MAP3K7CL: variants seen among roughly 807,000 people sequenced by gnomAD.
The protein encoded by MAP3K7CL is MAP3K7 C-terminal like.
In MAP3K7CL, 16 loss-of-function variants were observed where a neutral mutation model predicts 18.6. The observed-to-expected ratio is 0.86, with a 90% CI of 0.58 to 1.31. The LOEUF (loss-of-function observed/expected upper bound fraction) is 1.31, where lower values mean the gene tolerates loss of function less well. Among genes scored for constraint, MAP3K7CL ranks in the 50% most tolerant of loss-of-function variants. The probability of loss-of-function intolerance (pLI) is 0.00; values close to 1 mark genes in which losing one functional copy is unlikely to be tolerated. For synonymous variants in MAP3K7CL, 65 were observed against 66.8 expected (o/e 0.97, Z 0.13); for missense variants, 163 against 174.4 (o/e 0.93, Z 0.37).
At chr21:29,086,019 A>C in intron 1 of MAP3K7CL, 1 of 1,327,334 alleles carries the variant, frequency 7.5e-7, no homozygotes, top group Non-Finnish European at 1.1e-6. Flanking sequence ...AGCAGAGAGA[A>C]ATGGACCTTG....
chr21:29,162,683 C>CAAATAAAAA (rs2087580551), intron 4 of MAP3K7CL, among the ~76,000 whole-genome samples: 1 of 122,492 alleles, frequency 8.2e-6, no homozygotes. Context: ...AACTCTGTCT[C>CAAATAAAAA]AAAAAAAAAA....
At chr21:29,124,321 T>G (rs1487408060) in intron 4 of MAP3K7CL, among the ~76,000 whole-genome samples, 1 of 130,128 alleles carries the variant, frequency 7.7e-6, no homozygotes, top group African/African-American at 3.0e-5. Context: ...GCCACTGTGC[T>G]CTAGCCCGGG....
intron 4 of MAP3K7CL, among the ~76,000 whole-genome samples, chr21:29,110,185 T>G (rs1303851027): frequency 6.6e-6 from 1 of 152,204 alleles, no homozygotes; most frequent in Non-Finnish European, 1.5e-5. Flanking sequence ...TTAATCTATT[T>G]TCCATAAATA....
At chr21:29,114,879 G>T (rs990100367) in intron 4 of MAP3K7CL, among the ~76,000 whole-genome samples, 1 of 152,180 alleles carries the variant, frequency 6.6e-6, no homozygotes, top group Admixed American at 6.5e-5. Flanking sequence ...TTCGATAGAA[G>T]GTGGGTGTGG....
At position 29,130,656 on chromosome 21, in the gene MAP3K7CL, G is replaced by A; in HGVS notation, c.-307G>A. ...TTTCTAGAAAGATGACAACATCCTG[G>A]CTGTTAGAGAGGCAAGGAAAGGAGA... On this transcript the variant is annotated 5_prime_UTR_variant, in exon 1 of 5. Coordinates refer to ENST00000399928, the MANE Select transcript of MAP3K7CL (RefSeq NM_001286620.2). The A allele has an allele frequency of 1.0e-6, 1 of 985,480 alleles. No individual in the cohort carries two copies. The allele number at this position is 985,480 out of a possible 1,614,324, so 61.0% of individuals were successfully genotyped here.
intron 2 of MAP3K7CL, among the ~76,000 whole-genome samples, chr21:29,141,268 C>T (rs963677783): frequency 1.3e-5 from 2 of 152,104 alleles, no homozygotes; most frequent in South Asian, 2.1e-4. Context: ...GTAATCCCAG[C>T]GCTTTGGGAG....
intron 4 of MAP3K7CL, among the ~76,000 whole-genome samples, chr21:29,096,472 A>T (rs2086124028): frequency 6.6e-6 from 1 of 152,214 alleles, no homozygotes; most frequent in Non-Finnish European, 1.5e-5. Flanking sequence ...TACATCTAAA[A>T]GTCAGGTAGG....
intron 3 of MAP3K7CL, among the ~76,000 whole-genome samples, chr21:29,152,191 C>T (rs2087291833): frequency 6.6e-6 from 1 of 152,198 alleles, no homozygotes; most frequent in Non-Finnish European, 1.5e-5. Context: ...TATCTTTGTT[C>T]TGTACTCCAG....
chr21:29,162,677 C>G (rs1447769651), intron 4 of MAP3K7CL, among the ~76,000 whole-genome samples: 1 of 129,170 alleles, frequency 7.7e-6, no homozygotes, highest in East Asian at 2.9e-4. Flanking sequence ...GAGCAAAACT[C>G]TGTCTCAAAA....
intron 3 of MAP3K7CL, among the ~76,000 whole-genome samples, chr21:29,153,905 C>T (rs1156229361): frequency 6.6e-6 from 1 of 152,220 alleles, no homozygotes; most frequent in African/African-American, 2.4e-5. Context: ...ATTTGACTTA[C>T]ACATGATCCA....
chr21:29,148,465 G>A (rs1166696998), intron 2 of MAP3K7CL, among the ~76,000 whole-genome samples: 1 of 152,140 alleles, frequency 6.6e-6, no homozygotes, highest in African/African-American at 2.4e-5. Flanking sequence ...TTTTGGTCAG[G>A]TTTCCTCAAA....
chr21:29,123,069 T>C (rs897793614), intron 4 of MAP3K7CL, among the ~76,000 whole-genome samples: 1 of 146,340 alleles, frequency 6.8e-6, no homozygotes, highest in Non-Finnish European at 1.5e-5. Context: ...TTTTTTTTTT[T>C]TTTTTTTTTT....
chr21:29,148,227 A>G (rs923699880), intron 2 of MAP3K7CL, among the ~76,000 whole-genome samples: 1 of 151,892 alleles, frequency 6.6e-6, no homozygotes, highest in Non-Finnish European at 1.5e-5. Context: ...TTATATATGT[A>G]TGTGTAGGTA....
chr21:29,131,894 A>C (rs2832205), intron 1 of MAP3K7CL, among the ~76,000 whole-genome samples: 30,895 of 152,200 alleles, frequency 0.2, 3,693 homozygotes, highest in East Asian at 0.4. Context: ...CTATTTTTAG[A>C]TAGATAGAGG....
In MAP3K7CL at chr21:29,135,961, G is replaced by T. The variant is rs555713203; in HGVS notation, c.70+2547G>T. On this transcript the variant is annotated intron_variant, in intron 2 of 4. Transcript: ENST00000399928. ...CACCTACCTGGAGAACCTAGGGCAG[G>T]AGCTGAGGTTCAGTGTTTCTCAACC... Among the ~76,000 whole-genome samples the T allele has an allele frequency of 7.2e-5, 11 of 152,266 alleles. No homozygotes were observed. In the East Asian group the frequency reaches 2.1e-3, roughly 29 times the overall value.
intron 4 of MAP3K7CL, among the ~76,000 whole-genome samples, chr21:29,104,473 A>G (rs2086286050): frequency 6.6e-6 from 1 of 152,206 alleles, no homozygotes; most frequent in South Asian, 2.1e-4. Context: ...GGACAGAACA[A>G]TAAGCAAATC....
intron 4 of MAP3K7CL, among the ~76,000 whole-genome samples, chr21:29,112,825 T>C (rs2086442233): frequency 6.6e-6 from 1 of 152,092 alleles, no homozygotes; most frequent in African/African-American, 2.4e-5. Flanking sequence ...GAAATTTTTT[T>C]TTTTTCTTTT....
Position 29,133,246 on chromosome 21 carries a change from C to T in MAP3K7CL, c.-39-60C>T. Reference sequence around the variant, plus strand: ...CTTCACCTGTAATTTCCAAGGGCCTCTGAGTATTTAGGGGGATGATGCTGG... The same window carrying T: ...CTTCACCTGTAATTTCCAAGGGCCTTTGAGTATTTAGGGGGATGATGCTGG... On this transcript the variant is annotated intron_variant, in intron 1 of 4. Coordinates refer to ENST00000399928, the MANE Select transcript of MAP3K7CL (RefSeq NM_001286620.2). The T allele has an allele frequency of 2.3e-6, 3 of 1,308,448 alleles. No individual in the cohort carries two copies. In the East Asian group the frequency reaches 7.7e-5, roughly 34 times the overall value. 81.1% of individuals were successfully genotyped at this position (1,308,448 alleles called of 1,614,324 possible). A position where few individuals can be genotyped will look rare whatever the true frequency, so the allele number is the denominator to read the frequency against.
At chr21:29,092,811 A>T (rs2086053038) in intron 4 of MAP3K7CL, among the ~76,000 whole-genome samples, 1 of 152,224 alleles carries the variant, frequency 6.6e-6, no homozygotes, top group Admixed American at 6.5e-5. Context: ...CAGGAGAAAG[A>T]CTATTCCTGA....
Sources: allele counts gnomAD v4.1 joint callset (sites outside exome capture counted in the v4.1 genomes callset), GRCh38; gene constraint gnomAD v4.1.1; transcripts MANE v1.5; gene names NCBI Gene and HGNC (gene_info 2026-07-23, HGNC 2026-07-21).